The following IL1RAPL1 variants were observed in gnomAD, a reference collection of about 807,000 sequenced individuals.
IL1RAPL1 encodes the protein interleukin 1 receptor accessory protein like 1, also known as interleukin-1 receptor accessory protein-like 1.
Under a neutral mutation model 48.4 loss-of-function variants are expected in IL1RAPL1, and 3 were observed. That is an observed-to-expected ratio of 0.06 (90% CI 0.03 to 0.16). The LOEUF (loss-of-function observed/expected upper bound fraction) is 0.16, where lower values mean the gene tolerates loss of function less well. Ranked by LOEUF, IL1RAPL1 falls within the 10% of genes least tolerant of loss-of-function variation. The pLI is 1.00. For synonymous variants in IL1RAPL1, 185 were observed against 187.7 expected (o/e 0.99, Z 0.12); for missense variants, 349 against 530.6 (o/e 0.66, Z 3.36).
At chrX:29,420,695 G>A (rs192618672) in intron 5 of IL1RAPL1, among the ~76,000 whole-genome samples, 2 of 112,605 alleles carry the variant, frequency 1.8e-5, no homozygotes, top group Admixed American at 9.4e-5. Context: ...AAGTACTTTT[G>A]AAATGTTTAA....
At chrX:28,596,800 T>A (rs1053044504) in intron 1 of IL1RAPL1, among the ~76,000 whole-genome samples, 9 of 111,828 alleles carry the variant, frequency 8.0e-5, no homozygotes, top group South Asian at 3.7e-4. Flanking sequence ...AAATTGTTTT[T>A]AAAAAATATT....
chrX:29,007,271 T>C (rs1212398665), intron 2 of IL1RAPL1, among the ~76,000 whole-genome samples: 2 of 111,772 alleles, frequency 1.8e-5, no homozygotes, highest in Non-Finnish European at 3.8e-5. Context: ...ATAAAATGAT[T>C]AGAGTCACAT....
At chrX:28,783,316 C>T (rs1936442008) in intron 1 of IL1RAPL1, among the ~76,000 whole-genome samples, 1 of 112,031 alleles carries the variant, frequency 8.9e-6, no homozygotes, top group Non-Finnish European at 1.9e-5. Context: ...TATTCTTCAT[C>T]ACCTTGTAGG....
At chrX:29,069,669 A>ACACC (rs1491196944) in intron 2 of IL1RAPL1, among the ~76,000 whole-genome samples, 14 of 101,498 alleles carry the variant, frequency 1.4e-4, no homozygotes, top group South Asian at 8.7e-4. Context: ...ACACACACAC[A>ACACC]CCCCTCCCCT....
At chrX:29,757,544 T>C (rs1404166896) in intron 6 of IL1RAPL1, among the ~76,000 whole-genome samples, 1 of 112,186 alleles carries the variant, frequency 8.9e-6, no homozygotes, top group African/African-American at 3.2e-5. Context: ...TAAAGAGAAA[T>C]AGAAAGCAAT....
intron 2 of IL1RAPL1, among the ~76,000 whole-genome samples, chrX:28,887,709 C>T (rs1248523253): frequency 1.8e-5 from 2 of 111,457 alleles, no homozygotes; most frequent in Non-Finnish European, 3.8e-5. Context: ...TGTTCTGAAA[C>T]ACACTTTTGT....
chrX:28,660,936 A>C (rs1934815229), intron 1 of IL1RAPL1, among the ~76,000 whole-genome samples: 1 of 111,791 alleles, frequency 8.9e-6, no homozygotes, highest in Admixed American at 9.5e-5. Context: ...TAACTCAAAG[A>C]TGGGCCAGAC....
At position 29,573,133 on chromosome X, in the gene IL1RAPL1, A is replaced by G. The variant is rs142669249; in HGVS notation, c.704-95297A>G. 9.3e-3 allele frequency among the ~76,000 whole-genome samples: 1,046 copies of G among 111,998 alleles called. 12 individuals carry two copies. Among genetic ancestry groups the G allele is most frequent in the African/African-American group, 0.032 (990 of 30,814 alleles). ...TCCTCACATCATGGAAGGACAAACA[A>G]ACTCTCTCAGGCTTCCTTTATAAGG... On this transcript the variant is annotated intron_variant, in intron 5 of 10. Coordinates refer to ENST00000378993, the MANE Select transcript of IL1RAPL1 (RefSeq NM_014271.4).
At chrX:28,613,469 G>A (rs1038983861) in intron 1 of IL1RAPL1, among the ~76,000 whole-genome samples, 2 of 112,976 alleles carry the variant, frequency 1.8e-5, no homozygotes, top group Non-Finnish European at 1.9e-5. Context: ...TCAGAAGGAC[G>A]GCCTGAGGCC....
chrX:29,194,869 CT>C lies in IL1RAPL1; in HGVS notation c.83-88058del, dbSNP rs72427227. Among the ~76,000 whole-genome samples the C allele has an allele frequency of 3.2e-3, 336 of 104,843 alleles. 1 individual carries two copies. The highest frequency in any genetic ancestry group is 0.01 in the African/African-American group (300 of 29,175). 91.0% of individuals were successfully genotyped at this position (104,843 alleles called of 115,157 possible). On this transcript the variant is annotated intron_variant, in intron 2 of 10. Coordinates refer to ENST00000378993, the MANE Select transcript of IL1RAPL1 (RefSeq NM_014271.4). ...ATATAATTTGAATGCATTGTCATTACTTTTTTTTTTTAACACTGCTCCCCTT... is the reference window on the plus strand; with the variant it reads ...ATATAATTTGAATGCATTGTCATTACTTTTTTTTTTAACACTGCTCCCCTT...
chrX:29,248,927 A>G (rs974785754), intron 2 of IL1RAPL1, among the ~76,000 whole-genome samples: 9 of 112,223 alleles, frequency 8.0e-5, no homozygotes, highest in African/African-American at 2.6e-4. Flanking sequence ...ATATACATCA[A>G]TGGAGGACTA....
intron 3 of IL1RAPL1, among the ~76,000 whole-genome samples, chrX:29,296,672 C>T (rs915983447): frequency 3.6e-5 from 4 of 111,003 alleles, no homozygotes; most frequent in Non-Finnish European, 7.5e-5. Context: ...TTCTAAGTCA[C>T]ACTCACAACC....
At chrX:29,307,659 G>A (rs764241393) in intron 3 of IL1RAPL1, among the ~76,000 whole-genome samples, 1 of 67,932 alleles carries the variant, frequency 1.5e-5, no homozygotes, top group African/African-American at 4.9e-5. Flanking sequence ...GTCATCATTT[G>A]TACATTTTTT....
chrX:28,999,649 A>G (rs1473276575), intron 2 of IL1RAPL1, among the ~76,000 whole-genome samples: 1 of 111,856 alleles, frequency 8.9e-6, no homozygotes, highest in Non-Finnish European at 1.9e-5. Context: ...ATTCATTTCC[A>G]TCAAGATGTA....
chrX:29,527,427 T>C (rs1284099287), intron 5 of IL1RAPL1, among the ~76,000 whole-genome samples: 3 of 90,417 alleles, frequency 3.3e-5, no homozygotes, highest in African/African-American at 1.2e-4. Context: ...AACCTCCGCA[T>C]CCCGGGTTCA....
intron 2 of IL1RAPL1, among the ~76,000 whole-genome samples, chrX:28,934,875 T>C (rs1923975638): frequency 8.9e-6 from 1 of 111,899 alleles, no homozygotes; most frequent in Non-Finnish European, 1.9e-5. Context: ...TTTTTCTGTC[T>C]TTATGAATAG....
chrX:29,000,340 A>G (rs932653239), intron 2 of IL1RAPL1, among the ~76,000 whole-genome samples: 1 of 111,449 alleles, frequency 9.0e-6, no homozygotes, highest in African/African-American at 3.3e-5. Flanking sequence ...CTTGCAAATT[A>G]CTATTCTTTT....
At chrX:29,068,370 G>A (rs1474927056) in intron 2 of IL1RAPL1, among the ~76,000 whole-genome samples, 9 of 112,169 alleles carry the variant, frequency 8.0e-5, no homozygotes, top group Non-Finnish European at 1.5e-4. Context: ...TGAGTGAGAA[G>A]TGGTTTCTTC....
chrX:28,657,026 CAAAA>C (rs766745553), intron 1 of IL1RAPL1, among the ~76,000 whole-genome samples: 3 of 38,446 alleles, frequency 7.8e-5, no homozygotes. Flanking sequence ...GACTCTACCT[CAAAA>C]AAAAAAAAAA....
Sources: allele counts gnomAD v4.1 joint callset (sites outside exome capture counted in the v4.1 genomes callset), GRCh38; gene constraint gnomAD v4.1.1; transcripts MANE v1.5; gene names NCBI Gene and HGNC (gene_info 2026-07-23, HGNC 2026-07-21).